The following GLUD1 variants were observed in gnomAD, a reference collection of about 807,000 sequenced individuals.
GLUD1 encodes the protein glutamate dehydrogenase 1, mitochondrial.
In GLUD1, 22 loss-of-function variants were observed where a neutral mutation model predicts 56.0. The ratio of observed to expected loss-of-function variants is 0.39; its 90% confidence interval spans 0.28 to 0.56. GLUD1 has a LOEUF of 0.56. GLUD1 is among the 20% of genes least tolerant of loss of function. The pLI is 0.58. For missense variants in GLUD1, 451 were observed against 732.0 expected, an observed-to-expected ratio of 0.62 and a Z score of 4.43; for synonymous variants, 223 against 269.9, an observed-to-expected ratio of 0.83 and a Z score of 1.70.
intron 1 of GLUD1, 80 bp from the exon 2 acceptor site, chr10:87,076,736 A>G: frequency 1.2e-6 from 1 of 851,838 alleles, no homozygotes; most frequent in South Asian, 1.3e-5. Flanking sequence ...AGTAAGCTTC[A>G]AAAAAGAAAG....
chr10:87,062,484 A>C (rs1443213312), intron 6 of GLUD1, among the ~76,000 whole-genome samples, 172 bp downstream of exon 6: 1 of 152,212 alleles, frequency 6.6e-6, no homozygotes, highest in African/African-American at 2.4e-5. Flanking sequence ...TTCTAGTTAC[A>C]TGAATCATAC....
At chr10:87,072,510 A>AG (rs745413786) in intron 4 of GLUD1, among the ~76,000 whole-genome samples, 1 of 152,232 alleles carries the variant, frequency 6.6e-6, no homozygotes, top group South Asian at 2.1e-4. Context: ...GAGGAGTGAG[A>AG]GAAAAAACTC....
rs747542852 is a variant in GLUD1, at chr10:87,062,728, G to T, written c.849C>A (p.Phe283Leu). The T allele has an allele frequency of 3.7e-6, 6 of 1,613,964 alleles. No homozygotes were observed. The African/African-American group carries it at 8.0e-5, about 22-fold the overall frequency. The stretch of plus-strand genomic sequence containing the variant: ...TGCTCATGTAAGAAGCTTCATTGAT[G>T]AAATTTTCAATCCCATGGAAGACAC... ...GRGVFHGIEN[F>L]INEASYMSIL... Residue 283 changes from phenylalanine to leucine, a missense_variant, in exon 6 of 13, where the codon TTC (phenylalanine) becomes TTA (leucine). This residue lies in a region of GLUD1 where 248 missense variants were observed against 460.0 expected (regional missense o/e 0.54). Transcript: ENST00000277865.
intron 1 of GLUD1, among the ~76,000 whole-genome samples, chr10:87,092,994 A>G (rs974501018): frequency 5.3e-5 from 8 of 152,232 alleles, no homozygotes; most frequent in African/African-American, 1.9e-4. Flanking sequence ...CAGAGGTCAA[A>G]GTGGTTCAAA....
At chr10:87,061,655 C>T (rs1845935239) in intron 6 of GLUD1, among the ~76,000 whole-genome samples, 1 of 151,478 alleles carries the variant, frequency 6.6e-6, no homozygotes, top group Non-Finnish European at 1.5e-5. Flanking sequence ...CTCATTCTCT[C>T]ACACAGGCTG....
intron 5 of GLUD1, chr10:87,067,666 T>C (rs971955786): frequency 4.4e-6 from 1 of 225,042 alleles, no homozygotes; most frequent in Non-Finnish European, 9.0e-6. Context: ...AAATATCTCC[T>C]CTAGAAAGTC....
intron 4 of GLUD1, among the ~76,000 whole-genome samples, chr10:87,072,532 C>T (rs1436691916): frequency 6.6e-6 from 1 of 152,182 alleles, no homozygotes; most frequent in Non-Finnish European, 1.5e-5. Flanking sequence ...CTTTGCCTAC[C>T]TCCTAGGCTT....
intron 1 of GLUD1, among the ~76,000 whole-genome samples, chr10:87,083,362 A>G (rs1841307361): frequency 6.6e-6 from 1 of 152,246 alleles, no homozygotes; most frequent in Non-Finnish European, 1.5e-5. Context: ...AAAGGCAGGG[A>G]AAGCCTAGCA....
chr10:87,059,409 G>A (rs1845871487), intron 9 of GLUD1, 136 bp from the exon 10 acceptor site: 1 of 840,632 alleles, frequency 1.2e-6, no homozygotes, highest in Non-Finnish European at 2.0e-6. Flanking sequence ...CCAGTATCAG[G>A]AATTTCACAC....
At chr10:87,076,686 G>T in intron 1 of GLUD1, 30 bp from the exon 2 acceptor site, 2 of 1,303,030 alleles carry the variant, frequency 1.5e-6, no homozygotes, top group African/African-American at 1.4e-5. Context: ...AATGTGTTGG[G>T]GTGGGTGAGA....
intron 1 of GLUD1, among the ~76,000 whole-genome samples, chr10:87,077,853 C>A (rs879875841): frequency 1.3e-5 from 2 of 152,012 alleles, no homozygotes; most frequent in Admixed American, 1.3e-4. Flanking sequence ...GATTCAGCCC[C>A]TCTCGAGGGG....
rs1267942477 is a variant in GLUD1, at chr10:87,094,420, C to T, written c.350G>A (p.Ser117Asn). 2.5e-6 allele frequency: 4 copies of T among 1,613,602 alleles called. No individual in the cohort carries two copies. Among genetic ancestry groups the T allele is most frequent in the African/African-American group, 2.7e-5 (2 of 74,924 alleles). Residue 117 changes from serine to asparagine, a missense_variant, in exon 1 of 13, where the codon AGT (serine) becomes AAT (asparagine). By Grantham distance (46) the Ser-to-Asn change is conservative. Transcript: ENST00000277865. This position sits in a 1 kb window ranked among gnomAD's most constrained non-coding sequence, Gnocchi z 6.6. ...GTCGCGCCGGATGGGGAAGGAGAGA[C>T]TCAGCACATGGTTGCAGGGCTTGAT... ...RIIKPCNHVL[S>N]LSFPIRRDDG...
chr10:87,056,448 C>A (rs1336823404), intron 11 of GLUD1, among the ~76,000 whole-genome samples: 1 of 151,978 alleles, frequency 6.6e-6, no homozygotes, highest in Non-Finnish European at 1.5e-5. Context: ...TGCGTGCCAC[C>A]ATGCCTGGCT....
Position 87,069,335 on chromosome 10 carries a change from TGAAAC to T in GLUD1, c.647-1183_647-1179del. ...TTTGAGACCAGCCTGACCAACATGG[TGAAAC>T]CCTGCCTTTACTAAAAATACAAAAA... On this transcript the variant is annotated intron_variant, in intron 4 of 12. Coordinates refer to ENST00000277865, the MANE Select transcript of GLUD1 (RefSeq NM_005271.5). Among the ~76,000 whole-genome samples, 3 of 152,010 alleles carry T rather than the reference TGAAAC, an allele frequency of 2.0e-5. 1 individual carries two copies. The South Asian group carries it at 6.2e-4, about 32-fold the overall frequency.
intron 1 of GLUD1, chr10:87,093,926 G>A (rs1323773698): frequency 7.4e-7 from 1 of 1,348,280 alleles, no homozygotes; most frequent in East Asian, 4.3e-5. Flanking sequence ...ATTTAGGGGA[G>A]ACTCACAAAA....
At chr10:87,066,780 G>T (rs1846087453) in intron 5 of GLUD1, among the ~76,000 whole-genome samples, 1 of 152,234 alleles carries the variant, frequency 6.6e-6, no homozygotes, top group African/African-American at 2.4e-5. Flanking sequence ...CCTGCATGTA[G>T]TAGGCATAAA....
chr10:87,078,749 C>T (rs551986591), intron 1 of GLUD1, among the ~76,000 whole-genome samples: 4 of 152,174 alleles, frequency 2.6e-5, no homozygotes, highest in Admixed American at 1.3e-4. Context: ...ATGGGGGTGA[C>T]GGGGAGATGA....
intron 4 of GLUD1, among the ~76,000 whole-genome samples, chr10:87,073,252 C>T (rs966386890): frequency 6.6e-6 from 1 of 152,162 alleles, no homozygotes; most frequent in African/African-American, 2.4e-5. Context: ...AGCCTCAACC[C>T]CCCAGGCTTA....
In GLUD1 at chr10:87,050,962, C is replaced by T. The variant is rs1378724826; in HGVS notation, c.*789G>A. ...GTATCATAATTATAGTAAGCAAATT[C>T]TGACAGTTTTAATGAAAATAGCCTC... On this transcript the variant is annotated 3_prime_UTR_variant, in exon 13 of 13. Transcript: ENST00000277865. 1.3e-5 allele frequency: 2 copies of T among 152,584 alleles called. No homozygotes were observed. The highest frequency in any genetic ancestry group is 2.4e-5 in the African/African-American group (1 of 41,436). 9.5% of individuals were successfully genotyped at this position (152,584 alleles called of 1,614,324 possible). A position where few individuals can be genotyped will look rare whatever the true frequency, so the allele number is the denominator to read the frequency against.
Sources: gnomAD v4.1 joint callset for allele counts (sites outside exome capture counted in the v4.1 genomes callset) on GRCh38, gnomAD v4.1.1 for gene constraint, gnomAD v4.1.1 regional missense constraint, Gnocchi (gnomAD v3.1) non-coding constraint, MANE v1.5 for transcripts, NCBI Gene and HGNC (gene_info 2026-07-23, HGNC 2026-07-21) for gene names.